CIROZ: variants seen among roughly 807,000 people sequenced by gnomAD.
CIROZ encodes ciliated left-right organizer ZP-N domains-containing protein.
the CIROZ span, among the ~76,000 whole-genome samples, chr1:10,979,654 T>C: frequency 2.0e-5 from 3 of 152,158 alleles, no homozygotes; most frequent in Admixed American, 6.5e-5. Flanking sequence ...AGTGCTATTA[T>C]TTCCTGTAAC....
At chr1:10,969,867 G>A in the CIROZ span, 1 of 1,413,020 alleles carries the variant, frequency 7.1e-7, no homozygotes, top group East Asian at 2.6e-5. Flanking sequence ...TTTGAGTGAT[G>A]CCCAGGAACC....
chr1:10,962,462 T>C, the CIROZ span, among the ~76,000 whole-genome samples: 1 of 152,090 alleles, frequency 6.6e-6, no homozygotes, highest in Non-Finnish European at 1.5e-5. Flanking sequence ...AATAAATAAA[T>C]AAAGTGAACT....
At chr1:10,952,345 C>CA in the CIROZ span, among the ~76,000 whole-genome samples, 19 of 151,924 alleles carry the variant, frequency 1.3e-4, no homozygotes, top group South Asian at 3.5e-3. Flanking sequence ...CCAGAGAGGC[C>CA]AAAAAAACTC....
chr1:10,948,930 G>A, the CIROZ span: 1 of 1,317,322 alleles, frequency 7.6e-7, no homozygotes, highest in Non-Finnish European at 1.0e-6. Context: ...TCAACCCAAA[G>A]ATGGGTTCGA....
chr1:10,976,445 C>T, the CIROZ span, among the ~76,000 whole-genome samples: 1 of 151,972 alleles, frequency 6.6e-6, no homozygotes, highest in Admixed American at 6.6e-5. Context: ...TCCGCCTCCC[C>T]GGTTTAAGCA....
the CIROZ span, chr1:10,948,028 G>T: frequency 6.2e-7 from 1 of 1,613,410 alleles, no homozygotes; most frequent in Non-Finnish European, 8.5e-7. Flanking sequence ...GGTTCCATAG[G>T]AAGAACTGCC....
At chr1:10,971,429 A>C in the CIROZ span, among the ~76,000 whole-genome samples, 1 of 152,004 alleles carries the variant, frequency 6.6e-6, no homozygotes, top group African/African-American at 2.4e-5. Context: ...TAAAATCCAA[A>C]CACTTCCACA....
the CIROZ span, chr1:10,949,719 G>C: frequency 5.0e-6 from 8 of 1,596,628 alleles, no homozygotes; most frequent in Non-Finnish European, 6.8e-6. Context: ...GAAGCAGCAG[G>C]TGGCACTCCC....
At chr1:10,973,018 C>T in the CIROZ span, among the ~76,000 whole-genome samples, 2 of 152,044 alleles carry the variant, frequency 1.3e-5, no homozygotes, top group Admixed American at 6.5e-5. Flanking sequence ...TTGCTGAAAA[C>T]GTGATTAATG....
the CIROZ span, among the ~76,000 whole-genome samples, chr1:10,962,126 G>A: frequency 6.6e-6 from 1 of 151,996 alleles, no homozygotes; most frequent in Non-Finnish European, 1.5e-5. Context: ...CCAGCACTTT[G>A]TTTGAGCCGC....
At chr1:10,949,298 C>A in the CIROZ span, 1 of 375,910 alleles carries the variant, frequency 2.7e-6, no homozygotes, top group Admixed American at 4.2e-5. Flanking sequence ...GCCTCAGTTT[C>A]CCTCCCTCCA....
At chr1:10,953,735 C>T in the CIROZ span, among the ~76,000 whole-genome samples, 19 of 152,128 alleles carry the variant, frequency 1.2e-4, no homozygotes, top group East Asian at 1.9e-4. Context: ...TGAGGTTGTA[C>T]GGTTGGTTAG....
chr1:10,959,186 G>A, the CIROZ span, among the ~76,000 whole-genome samples: 8 of 152,070 alleles, frequency 5.3e-5, no homozygotes, highest in African/African-American at 1.2e-4. This position sits in a 1 kb window ranked among gnomAD's most constrained non-coding sequence, Gnocchi z 4.3. Flanking sequence ...GGGCTTCTAC[G>A]GTCCCAGAGA....
the CIROZ span, chr1:10,949,306 C>T: frequency 2.4e-6 from 1 of 409,486 alleles, no homozygotes; most frequent in Non-Finnish European, 4.4e-6. Context: ...TTCCCTCCCT[C>T]CATTTGTGTG....
At chr1:10,975,407 G>GA in the CIROZ span, among the ~76,000 whole-genome samples, 1,086 of 78,672 alleles carry the variant, frequency 0.014, 16 homozygotes, top group Middle Eastern at 0.021. Context: ...CTCTGTCTCA[G>GA]AAAAAAAAAA....
At chr1:10,964,626 A>G in the CIROZ span, among the ~76,000 whole-genome samples, 1 of 152,300 alleles carries the variant, frequency 6.6e-6, no homozygotes, top group East Asian at 1.9e-4. Flanking sequence ...GTGTCTCATA[A>G]GGCTGGGCTA....
At chr1:10,948,166 G>A in the CIROZ span, 7 of 1,613,744 alleles carry the variant, frequency 4.3e-6, no homozygotes, top group Non-Finnish European at 5.9e-6. Context: ...AGGATGGAGA[G>A]TCCCGGCCCC....
the CIROZ span, among the ~76,000 whole-genome samples, chr1:10,960,263 G>A: frequency 1.3e-5 from 2 of 152,068 alleles, no homozygotes; most frequent in Non-Finnish European, 2.9e-5. This position sits in a 1 kb window ranked among gnomAD's most constrained non-coding sequence, Gnocchi z 4.6. Context: ...AATTAGCCAG[G>A]AGTGGTGGCA....
chr1:10,972,770 C>A, the CIROZ span, among the ~76,000 whole-genome samples: 38,982 of 151,874 alleles, frequency 0.26, 5,287 homozygotes, highest in African/African-American at 0.33. Context: ...AATTCTAAGC[C>A]CTTGGAATGT....
Sources: gnomAD v4.1 joint callset for allele counts (sites outside exome capture counted in the v4.1 genomes callset) on GRCh38, gnomAD v4.1.1 for gene constraint, Gnocchi (gnomAD v3.1) non-coding constraint, MANE v1.5 for transcripts, NCBI Gene and HGNC (gene_info 2026-07-23, HGNC 2026-07-21) for gene names.